Variants in PACRG observed in about 807,000 individuals in gnomAD.
The protein encoded by PACRG is parkin coregulated, also known as parkin coregulated gene protein.
A neutral mutation model predicts 29.7 loss-of-function variants in PACRG; 29 were observed. The observed-to-expected ratio is 0.98, with a 90% CI of 0.73 to 1.33. The LOEUF is 1.33. Among genes scored for constraint, PACRG ranks in the 40% most tolerant of loss-of-function variants. The pLI is 0.00. For synonymous variants in PACRG, 116 were observed against 118.7 expected, an observed-to-expected ratio of 0.98 and a Z score of 0.15; for missense variants, 279 against 316.2, an observed-to-expected ratio of 0.88 and a Z score of 0.89.
At chr6:162,891,233 C>G (rs1438713346) in intron 2 of PACRG, among the ~76,000 whole-genome samples, 1 of 152,196 alleles carries the variant, frequency 6.6e-6, no homozygotes, top group East Asian at 1.9e-4. Context: ...TTCATTTCAA[C>G]TGCAATGCTA....
intron 4 of PACRG, among the ~76,000 whole-genome samples, chr6:163,206,030 G>A (rs533866734): frequency 2.6e-4 from 40 of 152,276 alleles, no homozygotes; most frequent in African/African-American, 9.6e-4. Flanking sequence ...ACACCACTCA[G>A]AATGGCTATT....
chr6:162,918,632 A>G (rs572757585), intron 2 of PACRG, among the ~76,000 whole-genome samples: 1 of 152,300 alleles, frequency 6.6e-6, no homozygotes. Context: ...TTTAAAGGAT[A>G]GAATGAAATG....
At chr6:163,231,513 G>A (rs1782043003) in intron 4 of PACRG, among the ~76,000 whole-genome samples, 2 of 152,172 alleles carry the variant, frequency 1.3e-5, no homozygotes, top group South Asian at 4.1e-4. Flanking sequence ...ACCCTGCACG[G>A]ATGCAGACAA....
At chr6:162,790,286 C>T (rs1252742443) in intron 1 of PACRG, among the ~76,000 whole-genome samples, 1 of 152,130 alleles carries the variant, frequency 6.6e-6, no homozygotes, top group African/African-American at 2.4e-5. Context: ...ATAATTCAGG[C>T]AGGCATGCTC....
At chr6:162,965,116 T>G (rs1307388448) in intron 2 of PACRG, among the ~76,000 whole-genome samples, 1 of 152,136 alleles carries the variant, frequency 6.6e-6, no homozygotes, top group African/African-American at 2.4e-5. Flanking sequence ...GGACGAAGGG[T>G]TGCATCAGTG....
rs1433718869 is a variant in PACRG at position 163,089,481 on chromosome 6, G to T, written c.613+73G>T. 3.3e-6 allele frequency: 5 copies of T among 1,534,560 alleles called. No individual in the cohort carries two copies. The East Asian group carries it at 1.1e-4, about 35-fold the overall frequency. On this transcript the variant is annotated intron_variant, in intron 4 of 4. Transcript: ENST00000366888. ...GAGTGGTTTGAAGTAGAGTTAATTA[G>T]CAACACGTTTAGGATTTATTATTGC...
intron 2 of PACRG, among the ~76,000 whole-genome samples, chr6:162,966,813 C>T (rs1171827306): frequency 6.6e-6 from 1 of 151,798 alleles, no homozygotes; most frequent in East Asian, 1.9e-4. Flanking sequence ...ACTTGATGGT[C>T]TCTTGTAAGG....
At chr6:163,184,652 T>G (rs1432390214) in intron 4 of PACRG, among the ~76,000 whole-genome samples, 1 of 152,180 alleles carries the variant, frequency 6.6e-6, no homozygotes, top group Non-Finnish European at 1.5e-5. Flanking sequence ...CTCCTAAGAA[T>G]ATCCCTGTGT....
intron 2 of PACRG, among the ~76,000 whole-genome samples, chr6:162,843,856 C>A (rs1195217033): frequency 2.0e-3 from 80 of 41,022 alleles, no homozygotes; most frequent in African/African-American, 2.5e-3. Context: ...AATACCCTGC[C>A]GTGTGAGGTG....
At chr6:163,073,584 G>T (rs1341740595) in intron 3 of PACRG, among the ~76,000 whole-genome samples, 5 of 152,144 alleles carry the variant, frequency 3.3e-5, no homozygotes, top group African/African-American at 1.2e-4. Context: ...GGACAAATGG[G>T]ATCGCATCAA....
rs1281525763 is a variant in PACRG, at chr6:163,062,245, A to G, written c.387A>G (p.Gln129=). Residue 129 remains glutamine (Q), a synonymous_variant, in exon 3 of 5, where the codon CAA becomes CAG. Coordinates refer to ENST00000366888, the MANE Select transcript of PACRG (RefSeq NM_001080379.2). ...MTFPYEFFAR[Q]GIHDMLEHGG... is the part of the protein sequence containing the mutation. ...TTCCCTATGAGTTTTTTGCTCGGCA[A>G]GGAATCCACGACATGCTGGAACACG... 1 of 1,614,178 alleles carries G rather than the reference A, an allele frequency of 6.2e-7. No individual in the cohort carries two copies. The highest frequency in any genetic ancestry group is 8.5e-7 in the Non-Finnish European group (1 of 1,180,026).
chr6:163,143,749 G>A (rs1434486552), intron 4 of PACRG, among the ~76,000 whole-genome samples: 1 of 152,112 alleles, frequency 6.6e-6, no homozygotes, highest in Admixed American at 6.5e-5. Context: ...TCAGCAAGGA[G>A]GTGAGGCAGA....
At chr6:163,305,394 A>G (rs3799339) in intron 4 of PACRG, among the ~76,000 whole-genome samples, 57,874 of 152,024 alleles carry the variant, frequency 0.38, 13,731 homozygotes, top group African/African-American at 0.67. Flanking sequence ...TCCCACAGTT[A>G]TAGGTTCTCC....
chr6:163,050,545 C>G (rs898231510), intron 2 of PACRG, among the ~76,000 whole-genome samples: 1 of 152,122 alleles, frequency 6.6e-6, no homozygotes, highest in African/African-American at 2.4e-5. Flanking sequence ...GTTCAACTCA[C>G]TTTTTAATAA....
intron 1 of PACRG, among the ~76,000 whole-genome samples, chr6:162,763,141 T>G (rs1782507180): frequency 6.6e-6 from 1 of 152,220 alleles, no homozygotes; most frequent in African/African-American, 2.4e-5. Context: ...TGCCCTTGAT[T>G]AATAAAAATA....
At chr6:163,265,298 G>A (rs758312588) in intron 4 of PACRG, among the ~76,000 whole-genome samples, 2 of 152,102 alleles carry the variant, frequency 1.3e-5, no homozygotes, top group East Asian at 1.9e-4. Flanking sequence ...CTTCTGGTCC[G>A]CATCCTTTTC....
chr6:163,227,716 C>T (rs1308058771), intron 4 of PACRG, among the ~76,000 whole-genome samples: 4 of 152,122 alleles, frequency 2.6e-5, no homozygotes, highest in Non-Finnish European at 5.9e-5. Flanking sequence ...CACCCAGACC[C>T]TCATACACGT....
intron 2 of PACRG, among the ~76,000 whole-genome samples, chr6:163,047,313 CAAGGA>C (rs1809499387): frequency 6.6e-6 from 1 of 152,184 alleles, no homozygotes; most frequent in Admixed American, 6.5e-5. Flanking sequence ...GATATGTGAT[CAAGGA>C]AAGAGAAGCT....
At chr6:162,736,909 T>G (rs1481370749) in intron 1 of PACRG, among the ~76,000 whole-genome samples, 2 of 152,214 alleles carry the variant, frequency 1.3e-5, no homozygotes, top group African/African-American at 4.8e-5. Flanking sequence ...AATTCTATGC[T>G]TTGAATTTGT....
Sources: allele counts gnomAD v4.1 joint callset (sites outside exome capture counted in the v4.1 genomes callset), GRCh38; gene constraint gnomAD v4.1.1; transcripts MANE v1.5; gene names NCBI Gene and HGNC (gene_info 2026-07-23, HGNC 2026-07-21).